The following XPO5 variants were observed in gnomAD, a reference collection of about 807,000 sequenced individuals.
XPO5 encodes the protein exportin-5.
In XPO5, 46 loss-of-function variants were observed where a neutral mutation model predicts 160.6. The ratio of observed to expected loss-of-function variants is 0.29; its 90% CI spans 0.23 to 0.37. The LOEUF is 0.37. Among genes scored for constraint, XPO5 ranks in the 10% least tolerant of loss-of-function variants. The probability of loss-of-function intolerance (pLI) is 1.00; values close to 1 mark genes in which losing one functional copy is unlikely to be tolerated. For synonymous variants in XPO5, 537 were observed against 519.3 expected, an observed-to-expected ratio of 1.03 and a Z score of -0.46; for missense variants, 1,090 against 1,463.9, an observed-to-expected ratio of 0.74 and a Z score of 4.17.
chr6:43,573,457 G>A (rs766123860), intron 2 of XPO5, 23 bp downstream of exon 2: 8 of 1,611,752 alleles, frequency 5.0e-6, no homozygotes, highest in Admixed American at 1.7e-5. Context: ...AGACTTCAGT[G>A]GTAATGTCCA....
At position 43,522,703 on chromosome 6, in the gene XPO5, G is replaced by A. The variant is rs542784055; in HGVS notation, c.*1165C>T. 81 of 498,764 alleles carry A rather than the reference G, an allele frequency of 1.6e-4. No homozygotes were observed. The highest frequency in any genetic ancestry group is 7.3e-4 in the South Asian group (49 of 66,876). 30.9% of individuals were successfully genotyped at this position (498,764 alleles called of 1,614,324 possible). ...GTAGCTTCAGTCCACTTCGGCTCTC[G>A]GGGAAACCCTCTTGTCAGTGGACTG... is the stretch of plus-strand genomic sequence containing the variant. On this transcript the variant is annotated 3_prime_UTR_variant, in exon 32 of 32. Coordinates refer to ENST00000265351, the MANE Select transcript of XPO5 (RefSeq NM_020750.3).
At chr6:43,538,213 G>T (rs1313518201) in intron 20 of XPO5, among the ~76,000 whole-genome samples, 4 of 122,328 alleles carry the variant, frequency 3.3e-5, no homozygotes, top group South Asian at 5.9e-4. Flanking sequence ...ACAATGGCGT[G>T]ATCTCAGCTC....
At chr6:43,570,719 A>T (rs899676445) in intron 4 of XPO5, 35 bp from the exon 5 acceptor site, 5 of 1,555,244 alleles carry the variant, frequency 3.2e-6, no homozygotes, top group Middle Eastern at 1.7e-4. Flanking sequence ...TAAAAACTAA[A>T]ATATCTTTTC....
intron 3 of XPO5, among the ~76,000 whole-genome samples, chr6:43,571,242 T>C (rs909318186): frequency 6.6e-6 from 1 of 152,222 alleles, no homozygotes; most frequent in East Asian, 1.9e-4. Context: ...ATGACATCAT[T>C]ATTCTTTACA....
At chr6:43,549,850 T>C (rs1795143278) in intron 16 of XPO5, 43 bp downstream of exon 16, 1 of 1,564,160 alleles carries the variant, frequency 6.4e-7, no homozygotes, top group South Asian at 1.2e-5. Flanking sequence ...CATACATTTG[T>C]ACTCAAGAAG....
At chr6:43,528,363 C>A (rs1166092439) in intron 24 of XPO5, among the ~76,000 whole-genome samples, 158 bp from the exon 25 acceptor site, 1 of 152,122 alleles carries the variant, frequency 6.6e-6, no homozygotes, top group Non-Finnish European at 1.5e-5. Context: ...TTAAAAAAAA[C>A]ATCTATGGTT....
In XPO5 at chr6:43,553,510, A is replaced by AAC. The variant is rs749301680; in HGVS notation, c.1442-9_1442-8dup. 207 of 1,503,468 alleles carry AAC rather than the reference A, an allele frequency of 1.4e-4. No homozygotes were observed. Among genetic ancestry groups the AAC allele is most frequent in the East Asian group, 6.6e-4 (25 of 38,060 alleles). The allele number at this position is 1,503,468 out of a possible 1,614,324, so 93.1% of individuals were successfully genotyped here. On this transcript the variant is annotated splice_polypyrimidine_tract_variant and splice_region_variant and intron_variant, in intron 13 of 31. Coordinates refer to ENST00000265351, the MANE Select transcript of XPO5 (RefSeq NM_020750.3). ...GTTCCAACTGCAGAACAAGCTTTAAAACACACACACACACATACACACACA... is the reference window on the plus strand; with the variant it reads ...GTTCCAACTGCAGAACAAGCTTTAAAACACACACACACACACATACACACACA...
intron 27 of XPO5, chr6:43,526,187 G>T: frequency 2.1e-6 from 1 of 472,144 alleles, no homozygotes; most frequent in Non-Finnish European, 3.8e-6. Context: ...TTTGTTGTTG[G>T]ACAAATATTT....
At chr6:43,549,747 T>C (rs1457751035) in intron 16 of XPO5, 146 bp downstream of exon 16, 14 of 1,108,274 alleles carry the variant, frequency 1.3e-5, no homozygotes, top group Non-Finnish European at 1.8e-5. Flanking sequence ...GTTTCTTGTA[T>C]GCCCTATAGT....
chr6:43,532,829 T>C (rs1794067060), intron 21 of XPO5, among the ~76,000 whole-genome samples: 1 of 152,344 alleles, frequency 6.6e-6, no homozygotes, highest in Non-Finnish European at 1.5e-5. Flanking sequence ...GGAAAATGAA[T>C]TAAAGCAGTA....
rs990943658 is a variant in XPO5, at chr6:43,564,580, G to A, written c.911+1080C>T. ...AATAATGAATTAACTTTAGCTTACT[G>A]TAACTTTTTAACTTTATAAACTTTT... On this transcript the variant is annotated intron_variant, in intron 8 of 31. Coordinates refer to ENST00000265351, the MANE Select transcript of XPO5 (RefSeq NM_020750.3). 3.3e-5 allele frequency among the ~76,000 whole-genome samples: 5 copies of A among 151,804 alleles called. No individual in the cohort carries two copies. In the East Asian group the frequency reaches 7.7e-4, roughly 23 times the overall value.
chr6:43,533,865 G>A, intron 21 of XPO5, 42 bp downstream of exon 21: 2 of 1,459,242 alleles, frequency 1.4e-6, no homozygotes, highest in Non-Finnish European at 1.9e-6. Context: ...CATCCATTAG[G>A]GATAAGATAA....
intron 1 of XPO5, among the ~76,000 whole-genome samples, chr6:43,575,362 A>C (rs1012852574): frequency 6.6e-6 from 1 of 151,882 alleles, no homozygotes; most frequent in Non-Finnish European, 1.5e-5. Flanking sequence ...AGGAGAGACC[A>C]TAAAGAACGA....
At chr6:43,549,608 C>T in intron 16 of XPO5, 30 bp from the exon 17 acceptor site, 1 of 1,605,994 alleles carries the variant, frequency 6.2e-7, no homozygotes, top group East Asian at 2.2e-5. Context: ...AAACTCGGAG[C>T]TGCTTTTAAT....
At chr6:43,526,056 C>T in intron 27 of XPO5, 135 bp from the exon 28 acceptor site, 1 of 842,162 alleles carries the variant, frequency 1.2e-6, no homozygotes, top group Non-Finnish European at 1.9e-6. Flanking sequence ...ACTAGGAGCC[C>T]TCCCACCTCC....
At position 43,560,108 on chromosome 6, in the gene XPO5, C is replaced by T. The variant is rs919488345; in HGVS notation, c.1221+70G>A. ...AGCTGGGATTATAGGCGTGAGCCAC[C>T]GCACCCAGCCTCAAAGTCTTATTAT... On this transcript the variant is annotated intron_variant, in intron 11 of 31. Coordinates refer to ENST00000265351, the MANE Select transcript of XPO5 (RefSeq NM_020750.3). The T allele has an allele frequency of 1.2e-5, 18 of 1,536,064 alleles. No individual in the cohort carries two copies. The East Asian group carries it at 1.9e-4, about 16-fold the overall frequency.
chr6:43,557,848 C>A (rs1206667106), intron 12 of XPO5, among the ~76,000 whole-genome samples: 1 of 146,362 alleles, frequency 6.8e-6, no homozygotes, highest in African/African-American at 2.5e-5. Context: ...TAAATCCCAG[C>A]ACTTTGGGAG....
At chr6:43,525,974 T>C (rs1206284030) in intron 27 of XPO5, 53 bp from the exon 28 acceptor site, 11 of 1,598,650 alleles carry the variant, frequency 6.9e-6, no homozygotes, top group Non-Finnish European at 9.4e-6. Flanking sequence ...CAGAGAAGAA[T>C]ATCTTGTTCT....
chr6:43,535,937 A>T (rs1206252256), intron 20 of XPO5, among the ~76,000 whole-genome samples: 1 of 152,176 alleles, frequency 6.6e-6, no homozygotes, highest in Non-Finnish European at 1.5e-5. Context: ...AGCCTGGCCA[A>T]CATGGTGAAA....
Sources: gnomAD v4.1 joint callset for allele counts (sites outside exome capture counted in the v4.1 genomes callset) on GRCh38, gnomAD v4.1.1 for gene constraint, MANE v1.5 for transcripts, NCBI Gene and HGNC (gene_info 2026-07-23, HGNC 2026-07-21) for gene names.